EPHA3: variants seen among roughly 807,000 people sequenced by gnomAD.
The protein encoded by EPHA3 is ephrin type-A receptor 3.
A neutral mutation model predicts 107.1 loss-of-function variants in EPHA3; 42 were observed. The ratio of observed to expected loss-of-function variants is 0.39; its 90% CI spans 0.31 to 0.51. EPHA3 has a LOEUF of 0.51. EPHA3 is among the 20% of genes least tolerant of loss of function. The pLI, the probability that EPHA3 is intolerant of heterozygous loss-of-function variation, is 0.78. For synonymous variants in EPHA3, 461 were observed against 424.8 expected (o/e 1.09, Z -1.05); for missense variants, 1,183 against 1,211.2 (o/e 0.98, Z 0.35).
intron 13 of EPHA3, among the ~76,000 whole-genome samples, chr3:89,435,819 G>T (rs1350323198): frequency 4.7e-5 from 7 of 150,460 alleles, no homozygotes; most frequent in Non-Finnish European, 8.9e-5. Context: ...TGGGTGTGGT[G>T]GTGTGCGCCT....
chr3:89,213,290 T>C (rs1397089070), intron 3 of EPHA3, among the ~76,000 whole-genome samples: 1 of 151,944 alleles, frequency 6.6e-6, no homozygotes, highest in Non-Finnish European at 1.5e-5. Flanking sequence ...GCTTAGAACA[T>C]AGCAGAATCT....
At chr3:89,391,022 G>T (rs114844327) in intron 5 of EPHA3, among the ~76,000 whole-genome samples, 2,426 of 152,026 alleles carry the variant, frequency 0.016, 67 homozygotes, top group African/African-American at 0.055. Flanking sequence ...CTGACTGCAG[G>T]TGATCCATCT....
At chr3:89,146,103 T>A (rs1342252059) in intron 2 of EPHA3, among the ~76,000 whole-genome samples, 1 of 151,774 alleles carries the variant, frequency 6.6e-6, no homozygotes, top group Non-Finnish European at 1.5e-5. Context: ...GTTCATAAGT[T>A]TTGAATTGCC....
chr3:89,166,388 A>G (rs1211368311), intron 2 of EPHA3, among the ~76,000 whole-genome samples: 12 of 152,202 alleles, frequency 7.9e-5, no homozygotes, highest in Non-Finnish European at 1.5e-4. Context: ...TTTTTGCTTG[A>G]AATAACTAAA....
intron 13 of EPHA3, among the ~76,000 whole-genome samples, chr3:89,435,083 A>AT (rs1201054928): frequency 6.6e-6 from 1 of 152,102 alleles, no homozygotes; most frequent in African/African-American, 2.4e-5. Context: ...GAAGACTTCA[A>AT]TTTTTTAAAA....
intron 3 of EPHA3, among the ~76,000 whole-genome samples, chr3:89,222,878 A>G (rs1704414200): frequency 6.6e-6 from 1 of 152,210 alleles, no homozygotes; most frequent in African/African-American, 2.4e-5. Flanking sequence ...TTAAAGTTGC[A>G]GACTTCTTAA....
At position 89,381,843 on chromosome 3, in the gene EPHA3, GA is replaced by G. The variant is rs1326942809; in HGVS notation, c.1307-13991del. On this transcript the variant is annotated intron_variant, in intron 5 of 16. Transcript: ENST00000336596. The stretch of plus-strand genomic sequence containing the variant: ...CTAGAATGCGCAATCTATGAATCGG[GA>G]AATAGACTCTCACCAGACACCAAAT... Among the ~76,000 whole-genome samples the G allele has an allele frequency of 2.6e-5, 4 of 152,034 alleles. No homozygotes were observed. The East Asian group carries it at 7.7e-4, about 29-fold the overall frequency.
intron 3 of EPHA3, among the ~76,000 whole-genome samples, chr3:89,252,563 C>G (rs1396427143): frequency 1.3e-5 from 2 of 151,938 alleles, no homozygotes; most frequent in Non-Finnish European, 2.9e-5. Context: ...GATTCCATCT[C>G]TACAAAAATT....
intron 7 of EPHA3, among the ~76,000 whole-genome samples, chr3:89,402,850 G>A (rs1311863308): frequency 6.6e-6 from 1 of 152,118 alleles, no homozygotes; most frequent in African/African-American, 2.4e-5. Context: ...GCTAATTTTG[G>A]CATTTTTAGT....
chr3:89,449,395 A>T (rs2107553802), intron 14 of EPHA3, 21 bp downstream of exon 14: 1 of 1,553,674 alleles, frequency 6.4e-7, no homozygotes, highest in Non-Finnish European at 8.8e-7. Flanking sequence ...GTGGTCTATG[A>T]GTTATGAGTT....
At chr3:89,112,839 A>C (rs907244873) in intron 1 of EPHA3, among the ~76,000 whole-genome samples, 2 of 151,786 alleles carry the variant, frequency 1.3e-5, no homozygotes, top group African/African-American at 4.8e-5. Flanking sequence ...ACTAGATATA[A>C]GGGGAAACGT....
intron 5 of EPHA3, among the ~76,000 whole-genome samples, chr3:89,348,226 C>A (rs1453156340): frequency 2.9e-4 from 37 of 129,594 alleles, no homozygotes; most frequent in African/African-American, 1.0e-3. Context: ...TAGAATTCGG[C>A]TGTGAATCCA....
At chr3:89,243,475 T>C (rs1256562991) in intron 3 of EPHA3, among the ~76,000 whole-genome samples, 2 of 152,182 alleles carry the variant, frequency 1.3e-5, no homozygotes, top group African/African-American at 4.8e-5. Context: ...TATCTCATTG[T>C]GGTTTTGATT....
At chr3:89,439,719 T>C (rs1483396309) in intron 13 of EPHA3, among the ~76,000 whole-genome samples, 3 of 144,168 alleles carry the variant, frequency 2.1e-5, no homozygotes, top group African/African-American at 8.1e-5. Context: ...AGACTCATAT[T>C]AAGGCACACA....
chr3:89,160,588 G>C (rs1704910485), intron 2 of EPHA3, among the ~76,000 whole-genome samples: 1 of 140,834 alleles, frequency 7.1e-6, no homozygotes, highest in East Asian at 2.0e-4. Context: ...GTGTGTGTGT[G>C]TGCGCGCATT....
chr3:89,190,185 T>C (rs910285688), intron 2 of EPHA3, among the ~76,000 whole-genome samples: 1 of 152,206 alleles, frequency 6.6e-6, no homozygotes, highest in African/African-American at 2.4e-5. Flanking sequence ...ACTTATTTTT[T>C]TAACACTTAC....
chr3:89,316,226 C>T (rs1706896234), intron 3 of EPHA3, among the ~76,000 whole-genome samples: 1 of 151,408 alleles, frequency 6.6e-6, no homozygotes, highest in Non-Finnish European at 1.5e-5. Flanking sequence ...TTTCATGGCA[C>T]CAGGTGGGAA....
chr3:89,458,446 A>C (rs1710145007), intron 15 of EPHA3, among the ~76,000 whole-genome samples: 1 of 152,176 alleles, frequency 6.6e-6, no homozygotes, highest in African/African-American at 2.4e-5. Flanking sequence ...GTATTAACAA[A>C]AGCTGAAAAA....
chr3:89,306,190 C>G (rs756246400), intron 3 of EPHA3, among the ~76,000 whole-genome samples: 2 of 152,102 alleles, frequency 1.3e-5, no homozygotes, highest in Non-Finnish European at 2.9e-5. Flanking sequence ...CAGTCCATTA[C>G]ACAAAAGATA....
Sources: gnomAD v4.1 joint callset for allele counts (sites outside exome capture counted in the v4.1 genomes callset) on GRCh38, gnomAD v4.1.1 for gene constraint, MANE v1.5 for transcripts, NCBI Gene and HGNC (gene_info 2026-07-23, HGNC 2026-07-21) for gene names.